Variants in ST3GAL3 observed in about 807,000 individuals in gnomAD.
ST3GAL3 encodes the protein CMP-N-acetylneuraminate-beta-1,4-galactoside alpha-2,3-sialyltransferase.
ST3GAL3 carries 21 observed loss-of-function variants against 50.1 expected under a neutral mutation model. That is an observed-to-expected ratio of 0.42 (90% CI 0.30 to 0.60). The LOEUF (loss-of-function observed/expected upper bound fraction) is 0.60, where lower values mean the gene tolerates loss of function less well. Among genes scored for constraint, ST3GAL3 ranks in the 20% least tolerant of loss-of-function variants. ST3GAL3 has a pLI of 0.19. For missense variants in ST3GAL3, 353 were observed against 489.4 expected, an observed-to-expected ratio of 0.72 and a Z score of 2.63; for synonymous variants, 183 against 190.0, an observed-to-expected ratio of 0.96 and a Z score of 0.30.
rs200377325 is a variant in ST3GAL3, at chr1:43,782,814, A to AT, written c.119-9279dup. ...ATATGAACTTGAAACATCTTTAAAC[A>AT]TTTTTTTTTCAAAAGATCAGTGTCA... On this transcript the variant is annotated intron_variant, in intron 2 of 11. Transcript: ENST00000347631. Among the ~76,000 whole-genome samples the AT allele has an allele frequency of 6.5e-3, 990 of 151,152 alleles. 9 individuals carry two copies. Among genetic ancestry groups the AT allele is most frequent in the African/African-American group, 0.022 (916 of 41,180 alleles).
rs142574068 is a variant in ST3GAL3, at chr1:43,830,745, G to A, written c.210-7474G>A. Among the ~76,000 whole-genome samples, 237 of 152,300 alleles carry A rather than the reference G, an allele frequency of 1.6e-3. 1 individual carries two copies. Among genetic ancestry groups the A allele is most frequent in the African/African-American group, 5.4e-3 (224 of 41,576 alleles). Reference sequence around the variant, plus strand: ...TAACAAGTTCCTGCACATAGATGATGGAATTGTTTTAGTGGCCCTCCCTTT... The same window carrying A: ...TAACAAGTTCCTGCACATAGATGATAGAATTGTTTTAGTGGCCCTCCCTTT... On this transcript the variant is annotated intron_variant, in intron 4 of 11. Transcript: ENST00000347631.
chr1:43,822,081 G>T (rs1274040469), intron 4 of ST3GAL3, among the ~76,000 whole-genome samples: 2 of 152,190 alleles, frequency 1.3e-5, no homozygotes, highest in African/African-American at 4.8e-5. Flanking sequence ...AGTCAAAGTA[G>T]AATTCATTGA....
At chr1:43,892,397 A>G (rs2076808643) in intron 5 of ST3GAL3, among the ~76,000 whole-genome samples, 1 of 152,212 alleles carries the variant, frequency 6.6e-6, no homozygotes, top group South Asian at 2.1e-4. Context: ...AGCTGGGACT[A>G]CAGTCTCTGT....
intron 9 of ST3GAL3, chr1:43,913,661 A>G (rs2081314394): frequency 1.3e-5 from 2 of 152,078 alleles, no homozygotes; most frequent in Admixed American, 1.3e-4. Context: ...CTTTCCCTGA[A>G]ATCTCTGAGG....
At chr1:43,857,584 C>CT (rs1357225257) in intron 5 of ST3GAL3, among the ~76,000 whole-genome samples, 13,675 of 85,132 alleles carry the variant, frequency 0.16, 1,865 homozygotes, top group African/African-American at 0.37. Flanking sequence ...TCCTTCCTCC[C>CT]TCCCTTCCTT....
chr1:43,833,456 T>C (rs973352450), intron 4 of ST3GAL3, among the ~76,000 whole-genome samples: 16 of 152,204 alleles, frequency 1.1e-4, no homozygotes, highest in Non-Finnish European at 1.9e-4. Context: ...TTAGTTAGCA[T>C]GTACTGAGCA....
At chr1:43,732,139 G>C (rs1334584305) in intron 1 of ST3GAL3, among the ~76,000 whole-genome samples, 3 of 152,124 alleles carry the variant, frequency 2.0e-5, no homozygotes, top group African/African-American at 7.2e-5. Flanking sequence ...ATTCTTTCCA[G>C]CTGGTACATT....
intron 4 of ST3GAL3, among the ~76,000 whole-genome samples, chr1:43,823,275 C>T (rs2062340680): frequency 6.6e-6 from 1 of 152,176 alleles, no homozygotes; most frequent in Admixed American, 6.5e-5. Flanking sequence ...AGAATGAGAG[C>T]CAGAACCTTT....
At chr1:43,750,965 AGCC>A (rs1374695767) in intron 2 of ST3GAL3, among the ~76,000 whole-genome samples, 1 of 152,168 alleles carries the variant, frequency 6.6e-6, no homozygotes, top group African/African-American at 2.4e-5. Flanking sequence ...ATGAACAACA[AGCC>A]AGGAAAAATA....
At chr1:43,798,773 G>T (rs1018167820) in intron 3 of ST3GAL3, among the ~76,000 whole-genome samples, 9 of 152,180 alleles carry the variant, frequency 5.9e-5, no homozygotes, top group Admixed American at 3.9e-4. Context: ...CTACTAAAAT[G>T]TAGGCTTCAT....
chr1:43,745,177 C>T (rs1301092624), intron 2 of ST3GAL3, among the ~76,000 whole-genome samples: 3 of 152,128 alleles, frequency 2.0e-5, no homozygotes, highest in Non-Finnish European at 2.9e-5. Context: ...TCCTTCTTCT[C>T]ATAACTTTCT....
rs1570651746 is a variant in ST3GAL3, at chr1:43,885,154, C to G, written c.303-9229C>G. Among the ~76,000 whole-genome samples the G allele has an allele frequency of 3.3e-5, 5 of 152,286 alleles. No individual in the cohort carries two copies. In the South Asian group the frequency reaches 1.0e-3, roughly 32 times the overall value. On this transcript the variant is annotated intron_variant, in intron 5 of 11. Transcript: ENST00000347631. ...CAGGTTGCCCTTCCTGGCTGGTTAG[C>G]CTGACCCTTATGCTTAATCATAGTC...
chr1:43,863,278 T>C (rs943128555), intron 5 of ST3GAL3, among the ~76,000 whole-genome samples: 1 of 152,134 alleles, frequency 6.6e-6, no homozygotes, highest in Non-Finnish European at 1.5e-5. Flanking sequence ...GCACACACCA[T>C]TGCTAAGTGT....
intron 5 of ST3GAL3, chr1:43,851,090 T>C (rs1422545462): frequency 3.2e-6 from 3 of 929,482 alleles, no homozygotes; most frequent in African/African-American, 3.2e-5. Context: ...TCATCTGCAG[T>C]TTTTCTGCAG....
In ST3GAL3 at chr1:43,779,345, A is replaced by G. The variant is rs531896459; in HGVS notation, c.119-12757A>G. On this transcript the variant is annotated intron_variant, in intron 2 of 11. Coordinates refer to ENST00000347631, the MANE Select transcript of ST3GAL3 (RefSeq NM_006279.5). Reference sequence around the variant, plus strand: ...GATTTGAAGCCCCAGTCCTATCCTTATAGGCTGTGTAATCTTGTGCAAGTT... The same window carrying G: ...GATTTGAAGCCCCAGTCCTATCCTTGTAGGCTGTGTAATCTTGTGCAAGTT... Among the ~76,000 whole-genome samples, 500 of 152,306 alleles carry G rather than the reference A, an allele frequency of 3.3e-3. 2 individuals are homozygous for G. The highest frequency in any genetic ancestry group is 0.011 in the African/African-American group (473 of 41,574).
intron 5 of ST3GAL3, among the ~76,000 whole-genome samples, chr1:43,878,239 A>G (rs1045995159): frequency 3.3e-5 from 5 of 152,188 alleles, no homozygotes; most frequent in African/African-American, 7.2e-5. Context: ...CTAAGGATTC[A>G]CAATGGTGTT....
chr1:43,791,888 C>T (rs1251114805), intron 2 of ST3GAL3, among the ~76,000 whole-genome samples: 2 of 152,206 alleles, frequency 1.3e-5, no homozygotes, highest in Admixed American at 6.5e-5. Context: ...TGCCTTGAGA[C>T]GTCTCTCCCT....
intron 5 of ST3GAL3, among the ~76,000 whole-genome samples, chr1:43,854,509 T>C (rs2154217482): frequency 6.6e-6 from 1 of 152,340 alleles, no homozygotes; most frequent in Admixed American, 6.5e-5. Flanking sequence ...CTTCTTTTCC[T>C]GTGCCCATCC....
chr1:43,771,751 TGTGTG>T (rs1183855742), intron 2 of ST3GAL3: 7 of 394,052 alleles, frequency 1.8e-5, no homozygotes, highest in Non-Finnish European at 3.1e-5. Flanking sequence ...TGTGTGTGTG[TGTGTG>T]TGTGTGTGTG....
Sources: allele counts gnomAD v4.1 joint callset (sites outside exome capture counted in the v4.1 genomes callset), GRCh38; gene constraint gnomAD v4.1.1; transcripts MANE v1.5; gene names NCBI Gene and HGNC (gene_info 2026-07-23, HGNC 2026-07-21).